Variants in VPS45 observed in about 807,000 individuals in gnomAD.
The protein encoded by VPS45 is vacuolar protein sorting 45 homolog.
Under a neutral mutation model 75.9 loss-of-function variants are expected in VPS45, and 35 were observed. The observed-to-expected ratio is 0.46, with a 90% confidence interval of 0.35 to 0.61. The LOEUF is 0.61. VPS45 is among the 20% of genes least tolerant of loss of function. The pLI is 0.00. For missense variants in VPS45, 559 were observed against 685.9 expected (o/e 0.81, Z 2.07); for synonymous variants, 220 against 238.2 (o/e 0.92, Z 0.70).
At chr1:150,108,453 C>A (rs1657452212) in intron 13 of VPS45, among the ~76,000 whole-genome samples, 1 of 152,056 alleles carries the variant, frequency 6.6e-6, no homozygotes, top group Non-Finnish European at 1.5e-5. Context: ...CCATAAGTGA[C>A]AAGTGGTCAC....
At chr1:150,092,903 G>A (rs1328423686) in intron 12 of VPS45, among the ~76,000 whole-genome samples, 43 of 144,282 alleles carry the variant, frequency 3.0e-4, no homozygotes, top group Admixed American at 2.6e-3. Context: ...GTGCAGTGGC[G>A]TGATCTCGGC....
chr1:150,116,140 G>A (rs1165151237), intron 14 of VPS45, among the ~76,000 whole-genome samples: 1 of 152,048 alleles, frequency 6.6e-6, no homozygotes, highest in African/African-American at 2.4e-5. Flanking sequence ...TATGATCTTG[G>A]GAGTGGATAA....
intron 13 of VPS45, among the ~76,000 whole-genome samples, chr1:150,103,047 G>A (rs1255981209): frequency 1.0e-5 from 1 of 96,172 alleles, no homozygotes; most frequent in Non-Finnish European, 2.0e-5. Flanking sequence ...ATGATTTCCA[G>A]ATATCCTATA....
At chr1:150,109,888 A>T (rs1430008808) in intron 13 of VPS45, 4 of 152,176 alleles carry the variant, frequency 2.6e-5, no homozygotes, top group Non-Finnish European at 5.9e-5. Context: ...TGGTTTATCA[A>T]AGGATTCAGA....
At chr1:150,098,003 C>A (rs1656771604) in intron 13 of VPS45, among the ~76,000 whole-genome samples, 1 of 152,086 alleles carries the variant, frequency 6.6e-6, no homozygotes, top group African/African-American at 2.4e-5. Context: ...GCACATGCCA[C>A]AGTACCTAGC....
intron 2 of VPS45, among the ~76,000 whole-genome samples, chr1:150,070,830 A>G (rs1273088475): frequency 2.0e-5 from 3 of 151,832 alleles, no homozygotes; most frequent in East Asian, 3.9e-4. Context: ...TAAAATAAAA[A>G]TTAAAAATAA....
Position 150,081,949 on chromosome 1 carries a change from G to C in VPS45, c.888G>C (p.Lys296Asn), listed in dbSNP as rs1315600520. 15 of 1,613,216 alleles carry C rather than the reference G, an allele frequency of 9.3e-6. No individual in the cohort carries two copies. The Admixed American group carries it at 2.5e-4, about 27-fold the overall frequency. Residue 296 changes from lysine to asparagine, a missense_variant, in exon 9 of 15, where the codon AAG becomes AAC. Transcript: ENST00000644510. ...NIKNLMEDFQ[K>N]KKPKEQQKLE... ...AGAATCTCATGGAAGATTTTCAGAA[G>C]AAGAAACCAAAAGAACAGCAAAAAC... is the stretch of plus-strand genomic sequence containing the variant.
intron 1 of VPS45, 91 bp from the exon 2 acceptor site, chr1:150,068,539 C>A (rs113034861): frequency 2.5e-6 from 3 of 1,206,764 alleles, no homozygotes; most frequent in African/African-American, 3.1e-5. Context: ...AGTTATCCAG[C>A]TAAGTATTAA....
At chr1:150,142,730 A>G (rs1571928109) in intron 14 of VPS45, 1 of 362,368 alleles carries the variant, frequency 2.8e-6, no homozygotes, top group African/African-American at 2.1e-5. Context: ...CAATGGCACA[A>G]TCTTGGCTCA....
rs1181008396 is a variant in VPS45 at position 150,099,332 on chromosome 1, TA to T, written c.1493+5695del. Among the ~76,000 whole-genome samples, 724 of 144,306 alleles carry T rather than the reference TA, an allele frequency of 5.0e-3. 3 individuals are homozygous for T. The highest frequency in any genetic ancestry group is 0.035 in the Middle Eastern group (10 of 282). The allele number at this position is 144,306 out of a possible 152,430, so 94.7% of individuals were successfully genotyped here. Reference sequence around the variant, plus strand: ...CAACATAGTGAAACCTTGTCTCTACTAAAAAAAAAAATACAAAAATTAGCCG... The same window carrying T: ...CAACATAGTGAAACCTTGTCTCTACTAAAAAAAAAATACAAAAATTAGCCG... On this transcript the variant is annotated intron_variant, in intron 13 of 14. Coordinates refer to ENST00000644510, the MANE Select transcript of VPS45 (RefSeq NM_007259.5).
In VPS45 at chr1:150,144,724, T is replaced by G. The variant is rs1355098112; in HGVS notation, c.1641T>G (p.Val547=). 6 of 1,612,832 alleles carry G rather than the reference T, an allele frequency of 3.7e-6. No homozygotes were observed. The highest frequency in any genetic ancestry group is 4.2e-6 in the Non-Finnish European group (5 of 1,179,318). ...VHNTKSFLEE[V]LASGLHSRSK... ...TACTTATCAGTTTCCTAGAGGAAGT[T>G]CTGGCTTCTGGACTGCACAGCCGAA... Residue 547 remains valine (V), a synonymous_variant, in exon 15 of 15, where the codon GTT becomes GTG. Coordinates refer to ENST00000644510, the MANE Select transcript of VPS45 (RefSeq NM_007259.5).
At chr1:150,088,674 T>C (rs1553801289) in intron 10 of VPS45, among the ~76,000 whole-genome samples, 1 of 151,848 alleles carries the variant, frequency 6.6e-6, no homozygotes, top group African/African-American at 2.4e-5. Flanking sequence ...AGACAGAATT[T>C]CACCATGTTG....
At chr1:150,138,651 ACT>A (rs1361705229) in intron 14 of VPS45, among the ~76,000 whole-genome samples, 6 of 151,876 alleles carry the variant, frequency 4.0e-5, no homozygotes, top group Non-Finnish European at 7.4e-5. Flanking sequence ...ACATCTCCAG[ACT>A]CTGCCAAATG....
At chr1:150,129,382 T>TA (rs1420955439) in intron 14 of VPS45, among the ~76,000 whole-genome samples, 2 of 151,998 alleles carry the variant, frequency 1.3e-5, no homozygotes, top group East Asian at 1.9e-4. Context: ...GAATTGTGTG[T>TA]AAAAAAGAAA....
intron 14 of VPS45, among the ~76,000 whole-genome samples, chr1:150,128,838 C>G (rs1658660062): frequency 6.6e-6 from 1 of 151,988 alleles, no homozygotes; most frequent in Admixed American, 6.6e-5. Flanking sequence ...CTCCCGGGTT[C>G]AAGCGATTCT....
intron 14 of VPS45, among the ~76,000 whole-genome samples, chr1:150,138,960 T>A (rs1403516875): frequency 6.6e-6 from 1 of 152,140 alleles, no homozygotes; most frequent in Admixed American, 6.5e-5. Flanking sequence ...CATCCTGACT[T>A]ATCAATAAGT....
chr1:150,137,197 A>C (rs1222121897), intron 14 of VPS45, among the ~76,000 whole-genome samples: 1 of 152,142 alleles, frequency 6.6e-6, no homozygotes, highest in African/African-American at 2.4e-5. Flanking sequence ...CACCACACCC[A>C]GCCTCAGATG....
intron 13 of VPS45, among the ~76,000 whole-genome samples, chr1:150,095,249 G>T (rs1026926445): frequency 6.6e-6 from 1 of 152,160 alleles, no homozygotes; most frequent in Admixed American, 6.5e-5. Context: ...AATTGTAGGG[G>T]TGGGGAGGAC....
intron 7 of VPS45, among the ~76,000 whole-genome samples, chr1:150,080,316 G>A (rs991615781): frequency 1.3e-5 from 2 of 152,018 alleles, no homozygotes; most frequent in South Asian, 2.1e-4. Flanking sequence ...GGCTAGTTTT[G>A]TATTTTTAGT....
Sources: gnomAD v4.1 joint callset for allele counts (sites outside exome capture counted in the v4.1 genomes callset) on GRCh38, gnomAD v4.1.1 for gene constraint, MANE v1.5 for transcripts, NCBI Gene and HGNC (gene_info 2026-07-23, HGNC 2026-07-21) for gene names.